DPP10: variants seen among roughly 807,000 people sequenced by gnomAD.
The protein encoded by DPP10 is inactive dipeptidyl peptidase 10.
In DPP10, 33 loss-of-function variants were observed where a neutral mutation model predicts 120.9. That is an observed-to-expected ratio of 0.27 (90% confidence interval 0.21 to 0.37). DPP10 has a LOEUF of 0.37. Among genes scored for constraint, DPP10 ranks in the 10% least tolerant of loss-of-function variants. DPP10 has a pLI of 1.00. For synonymous variants in DPP10, 337 were observed against 326.1 expected, an observed-to-expected ratio of 1.03 and a Z score of -0.36; for missense variants, 816 against 942.8, an observed-to-expected ratio of 0.87 and a Z score of 1.76.
intron 1 of DPP10, among the ~76,000 whole-genome samples, chr2:115,165,957 T>TA (rs1288166399): frequency 6.6e-6 from 1 of 152,212 alleles, no homozygotes. Context: ...ACCAATCTCT[T>TA]ACAATTGAAC....
intron 4 of DPP10, among the ~76,000 whole-genome samples, chr2:115,510,490 T>G (rs2077168268): frequency 6.6e-6 from 1 of 152,160 alleles, no homozygotes; most frequent in Admixed American, 6.6e-5. Context: ...CTTGGGACTC[T>G]GTATTCTATT....
At chr2:115,178,279 C>T (rs551220156) in intron 1 of DPP10, among the ~76,000 whole-genome samples, 1 of 152,264 alleles carries the variant, frequency 6.6e-6, no homozygotes, top group East Asian at 1.9e-4. Flanking sequence ...GAGACACTGT[C>T]TACCGGAGTA....
At chr2:115,724,644 A>C (rs2092723937) in intron 7 of DPP10, among the ~76,000 whole-genome samples, 1 of 152,200 alleles carries the variant, frequency 6.6e-6, no homozygotes, top group Non-Finnish European at 1.5e-5. Flanking sequence ...CTGGTAAAAT[A>C]GCTTTCCCTT....
At chr2:115,715,028 C>CAAA (rs70941091) in intron 7 of DPP10, among the ~76,000 whole-genome samples, 1,212 of 65,928 alleles carry the variant, frequency 0.018, 28 homozygotes, top group South Asian at 0.065. Context: ...GACTCTGTCT[C>CAAA]AAAAAAAAAA....
intron 3 of DPP10, among the ~76,000 whole-genome samples, chr2:115,359,713 C>T (rs2064643544): frequency 6.6e-6 from 1 of 151,986 alleles, no homozygotes; most frequent in African/African-American, 2.4e-5. Context: ...ATTTGTTTTC[C>T]AAGTTGCTTA....
chr2:115,596,775 C>A (rs2083015527), intron 5 of DPP10, among the ~76,000 whole-genome samples: 1 of 152,072 alleles, frequency 6.6e-6, no homozygotes, highest in Admixed American at 6.6e-5. Context: ...GAGAAAGCAC[C>A]TTAAACAAAG....
intron 1 of DPP10, among the ~76,000 whole-genome samples, chr2:115,073,705 C>T (rs1707557786): frequency 6.6e-6 from 1 of 152,210 alleles, no homozygotes; most frequent in South Asian, 2.1e-4. Context: ...ATTACTGAAT[C>T]TCTTGTAACA....
intron 1 of DPP10, among the ~76,000 whole-genome samples, chr2:115,018,584 C>T (rs146470720): frequency 3.0e-3 from 457 of 152,072 alleles, no homozygotes; most frequent in African/African-American, 0.011. Context: ...AACTGGAAAC[C>T]GTCATTCTCA....
intron 1 of DPP10, among the ~76,000 whole-genome samples, chr2:114,822,134 G>GC (rs140051048): frequency 0.018 from 2,800 of 152,202 alleles, 99 homozygotes; most frequent in African/African-American, 0.063. Flanking sequence ...TGACGGCTTT[G>GC]CCCCTGCAGC....
At chr2:115,385,216 G>A (rs945406166) in intron 3 of DPP10, among the ~76,000 whole-genome samples, 10 of 152,116 alleles carry the variant, frequency 6.6e-5, no homozygotes, top group Non-Finnish European at 1.0e-4. Context: ...TTCCGGAGGG[G>A]TCCTGCCCCA....
chr2:115,797,688 G>A (rs76668760), intron 19 of DPP10, among the ~76,000 whole-genome samples: 26 of 151,976 alleles, frequency 1.7e-4, no homozygotes, highest in African/African-American at 6.3e-4. Flanking sequence ...TTAATAGAAG[G>A]GGAGAAGGTG....
intron 2 of DPP10, among the ~76,000 whole-genome samples, chr2:115,326,834 A>G (rs187657801): frequency 6.6e-6 from 1 of 152,258 alleles, no homozygotes; most frequent in Non-Finnish European, 1.5e-5. Flanking sequence ...AGTGTCAATG[A>G]TGAAAAACAT....
chr2:114,794,743 G>C (rs1479666043), intron 1 of DPP10, among the ~76,000 whole-genome samples: 1 of 152,204 alleles, frequency 6.6e-6, no homozygotes, highest in Non-Finnish European at 1.5e-5. Flanking sequence ...ATCCATTTTA[G>C]AGTTGCTCCT....
chr2:115,724,971 T>C (rs2092731010), intron 7 of DPP10, among the ~76,000 whole-genome samples: 1 of 152,102 alleles, frequency 6.6e-6, no homozygotes, highest in African/African-American at 2.4e-5. Flanking sequence ...CACCCAGCTG[T>C]GAGGGATGCA....
At chr2:114,976,343 G>C (rs576376026) in intron 1 of DPP10, among the ~76,000 whole-genome samples, 4 of 152,144 alleles carry the variant, frequency 2.6e-5, no homozygotes, top group African/African-American at 7.2e-5. Flanking sequence ...TATTTAAATA[G>C]ATTCAATGCA....
At chr2:114,832,518 A>G (rs553333144) in intron 1 of DPP10, among the ~76,000 whole-genome samples, 1 of 152,368 alleles carries the variant, frequency 6.6e-6, no homozygotes, top group South Asian at 2.1e-4. Context: ...CTGGCGACAG[A>G]GCGAGACTCC....
intron 5 of DPP10, among the ~76,000 whole-genome samples, chr2:115,555,204 T>TGGA (rs2080133272): frequency 6.6e-6 from 1 of 152,134 alleles, no homozygotes; most frequent in Non-Finnish European, 1.5e-5. Flanking sequence ...TATTATTTCC[T>TGGA]ATTTTATATG....
chr2:115,282,657 C>G (rs769732989), intron 1 of DPP10, among the ~76,000 whole-genome samples: 3 of 152,092 alleles, frequency 2.0e-5, no homozygotes, highest in Non-Finnish European at 4.4e-5. Flanking sequence ...TATAGTTTCT[C>G]ACACCATCAA....
intron 1 of DPP10, among the ~76,000 whole-genome samples, chr2:114,922,925 G>A (rs1195517666): frequency 6.6e-6 from 1 of 151,968 alleles, no homozygotes; most frequent in African/African-American, 2.4e-5. Flanking sequence ...AGAATTATTG[G>A]TTTACATGGT....
Sources: gnomAD v4.1 joint callset for allele counts (sites outside exome capture counted in the v4.1 genomes callset) on GRCh38, gnomAD v4.1.1 for gene constraint, MANE v1.5 for transcripts, NCBI Gene and HGNC (gene_info 2026-07-23, HGNC 2026-07-21) for gene names.